Variants in NBPF14 observed in about 807,000 individuals in gnomAD.
NBPF14 encodes the protein NBPF member 14, also known as NBPF family member NBPF14.
In NBPF14, 104 loss-of-function variants were observed where a neutral mutation model predicts 91.2. The observed-to-expected ratio is 1.14, with a 90% CI of 0.97 to 1.34. NBPF14 has a LOEUF of 1.34. NBPF14 is among the 40% of genes most tolerant of loss of function. The pLI is 0.00. For missense variants in NBPF14, 908 were observed against 783.0 expected (o/e 1.16, Z -1.91); for synonymous variants, 294 against 303.8 (o/e 0.97, Z 0.34).
chr1:148,577,573 C>G (rs1388116237), intron 14 of NBPF14, among the ~76,000 whole-genome samples: 3 of 150,642 alleles, frequency 2.0e-5, no homozygotes, highest in African/African-American at 7.5e-5. Flanking sequence ...CACACACACA[C>G]ACACTCACAC....
rs1338842101 is a variant in NBPF14 at position 148,572,546 on chromosome 1, C to T, written c.2655G>A (p.Ser885=). The T allele has an allele frequency of 5.3e-4, 345 of 652,094 alleles. 28 individuals carry two copies. The African/African-American group carries it at 6.6e-3, about 13-fold the overall frequency. 40.4% of individuals were successfully genotyped at this position (652,094 alleles called of 1,614,324 possible). ...GCAGTTCAAGATAACCTGAAGGAGT[C>T]GAATAACATCTATCCAGTGAGTCCT... The change falls in exon 21 of 71, where the codon TCG becomes TCA. Residue 885 remains serine (S), a synonymous_variant. Coordinates refer to ENST00000619423, the Ensembl canonical transcript of NBPF14.
chr1:148,569,635 GAGAC>G (rs1468601641), intron 24 of NBPF14, among the ~76,000 whole-genome samples: 4 of 23,556 alleles, frequency 1.7e-4, no homozygotes, highest in African/African-American at 9.2e-4. Flanking sequence ...GACAGAGACA[GAGAC>G]AGAGACAGAG....
rs1174186506 is a variant in NBPF14, at chr1:148,536,034, C to G, written c.8389+190G>C. Among the ~76,000 whole-genome samples the G allele has an allele frequency of 3.5e-3, 518 of 149,446 alleles. 2 individuals carry two copies. Among genetic ancestry groups the G allele is most frequent in the South Asian group, 0.021 (98 of 4,626 alleles). ...GCATGGCCTGAGACTAGGAAGAGAG[C>G]CTTGCTCACTGACCCATCCCTTGTC... On this transcript the variant is annotated intron_variant, in intron 67 of 70. Transcript: ENST00000619423.
intron 70 of NBPF14, 28 bp downstream of exon 70, chr1:148,533,833 C>T (rs1378264008): frequency 2.0e-5 from 15 of 766,774 alleles, no homozygotes; most frequent in Admixed American, 5.1e-5. Flanking sequence ...TAACACAGAA[C>T]TAAGGATCCA....
intron 70 of NBPF14, 48 bp downstream of exon 70, chr1:148,533,813 C>T (rs782399479): frequency 3.9e-5 from 30 of 767,982 alleles, no homozygotes; most frequent in Non-Finnish European, 6.2e-5. Context: ...AATCTGTTGC[C>T]TCCAGGAGTT....
rs1442122920 is a variant in NBPF14 at position 148,587,347 on chromosome 1, T to G, written c.1045A>C (p.Lys349Gln). 6.9e-6 allele frequency: 11 copies of G among 1,583,072 alleles called. 1 individual carries two copies. The highest frequency in any genetic ancestry group is 1.7e-5 in the Admixed American group (1 of 59,360). ...AGCTGCTCCGCAAGCTTCTCCTCCTTGAACTGTCGCTCATTCCTCAGCATA... is the reference window on the plus strand; with the variant it reads ...AGCTGCTCCGCAAGCTTCTCCTCCTGGAACTGTCGCTCATTCCTCAGCATA... The change falls in exon 8 of 71, where the codon AAG becomes CAG. Residue 349 changes from lysine to glutamine, a missense_variant. Lys to Gln is a moderately conservative substitution (Grantham distance 53). This residue lies in a region of NBPF14 where 39 missense variants were observed against 35.8 expected (regional missense o/e 1.09). Transcript: ENST00000619423.
chr1:148,579,658 GATATA>G (rs1403815562), intron 12 of NBPF14, among the ~76,000 whole-genome samples: 2 of 149,108 alleles, frequency 1.3e-5, no homozygotes, highest in African/African-American at 4.9e-5. Flanking sequence ...CCAATATTTT[GATATA>G]ATATATTTAC....
In NBPF14 at chr1:148,533,852, G is replaced by C. The variant is rs1437608223; in HGVS notation, c.8723+9C>G. On this transcript the variant is annotated intron_variant, in intron 70 of 70. Coordinates refer to ENST00000619423, the Ensembl canonical transcript of NBPF14. ...ACAGAACTAAGGATCCACAATTGCT[G>C]AAAGTCACCTGGGGCATGGTGGGTT... The C allele has an allele frequency of 6.5e-6, 5 of 765,092 alleles. No individual in the cohort carries two copies. Among genetic ancestry groups the C allele is most frequent in the East Asian group, 2.4e-5 (1 of 41,222 alleles). 47.4% of individuals were successfully genotyped at this position (765,092 alleles called of 1,614,324 possible). A position where few individuals can be genotyped will look rare whatever the true frequency, so the allele number is the denominator to read the frequency against.
At chr1:148,572,923 A>T (rs1478255468) in intron 20 of NBPF14, among the ~76,000 whole-genome samples, 1 of 9,854 alleles carries the variant, frequency 1.0e-4, no homozygotes, top group Admixed American at 8.7e-4. Flanking sequence ...CCCTCATGAC[A>T]CACAGCAAAC....
intron 70 of NBPF14, among the ~76,000 whole-genome samples, chr1:148,533,474 G>C (rs1229307912): frequency 1.3e-5 from 2 of 151,796 alleles, no homozygotes; most frequent in African/African-American, 2.4e-5. Context: ...CAGAGACAGA[G>C]AGAAAGTGAC....
At chr1:148,535,090 A>G (rs1201968449) in intron 68 of NBPF14, among the ~76,000 whole-genome samples, 1 of 146,368 alleles carries the variant, frequency 6.8e-6, no homozygotes, top group African/African-American at 2.6e-5. Flanking sequence ...AGCTCAGCGA[A>G]TTGGCCGGGT....
chr1:148,576,030 G>C (rs1246272973), intron 16 of NBPF14, among the ~76,000 whole-genome samples: 3 of 147,902 alleles, frequency 2.0e-5, no homozygotes, highest in Non-Finnish European at 4.5e-5. Flanking sequence ...AGAGAGAGGA[G>C]AAAGTGAGCT....
intron 34 of NBPF14, among the ~76,000 whole-genome samples, 196 bp downstream of exon 34, chr1:148,562,040 G>C (rs1657922616): frequency 2.6e-5 from 2 of 78,220 alleles, no homozygotes; most frequent in Admixed American, 2.4e-4. Context: ...ACCTACAGTA[G>C]GTTAGTAAAT....
intron 28 of NBPF14, 124 bp from the exon 29 acceptor site, chr1:148,566,439 G>A (rs1336620741): frequency 2.2e-5 from 13 of 600,734 alleles, no homozygotes; most frequent in African/African-American, 1.7e-4. Context: ...CCATTAATGA[G>A]GTAACAAATT....
chr1:148,566,399 G>C, intron 28 of NBPF14, 84 bp from the exon 29 acceptor site: 2 of 637,268 alleles, frequency 3.1e-6, no homozygotes, highest in Non-Finnish European at 5.6e-6. Flanking sequence ...GGTAGCATAG[G>C]GAAGTGGTTA....
chr1:148,566,139 T>C lies in NBPF14; in HGVS notation c.3715+4A>G. 4.0e-6 allele frequency: 2 copies of C among 496,406 alleles called. No individual in the cohort carries two copies. The highest frequency in any genetic ancestry group is 2.1e-5 in the South Asian group (1 of 48,558). The allele number at this position is 496,406 out of a possible 1,614,324, so 30.8% of individuals were successfully genotyped here. On this transcript the variant is annotated splice_donor_region_variant and intron_variant, in intron 29 of 70. Transcript: ENST00000619423. ...CCTTATCACCTTCATAGAAAGGTAC[T>C]CACCTCCCACGTCAAGAGAAAAGCC... is the stretch of plus-strand genomic sequence containing the variant.
intron 8 of NBPF14, among the ~76,000 whole-genome samples, chr1:148,587,007 G>A (rs1661652499): frequency 2.0e-5 from 3 of 146,790 alleles, no homozygotes; most frequent in Admixed American, 2.0e-4. Flanking sequence ...ACCATTTTGA[G>A]TATACTGAAT....
chr1:148,575,871 A>C, intron 16 of NBPF14, 60 bp from the exon 17 acceptor site: 1 of 287,806 alleles, frequency 3.5e-6, no homozygotes, highest in Non-Finnish European at 6.1e-6. Context: ...ACACAGCCCC[A>C]GCTAGATTTC....
At chr1:148,559,246 T>C (rs1387242139) in intron 37 of NBPF14, among the ~76,000 whole-genome samples, 174 bp from the exon 38 acceptor site, 2 of 111,954 alleles carry the variant, frequency 1.8e-5, no homozygotes, top group South Asian at 3.5e-4. Context: ...GATTCCTTGG[T>C]TTTTGTCCCA....
Sources: allele counts gnomAD v4.1 joint callset (sites outside exome capture counted in the v4.1 genomes callset), GRCh38; gene constraint gnomAD v4.1.1; regional missense constraint gnomAD v4.1.1; transcripts MANE v1.5; gene names NCBI Gene and HGNC (gene_info 2026-07-23, HGNC 2026-07-21).